ZNF253: variants seen among roughly 807,000 people sequenced by gnomAD.
ZNF253 encodes the protein DNA-binding protein.
ZNF253 carries 8 observed loss-of-function variants against 11.9 expected under a neutral mutation model. That is an observed-to-expected ratio of 0.67 (90% CI 0.40 to 1.22). The LOEUF is 1.22. Ranked by LOEUF, ZNF253 falls within the 50% of genes most tolerant of loss-of-function variation. The pLI is 0.01. For missense variants in ZNF253, 485 were observed against 586.9 expected (o/e 0.83, Z 1.79); for synonymous variants, 194 against 194.9 (o/e 1.00, Z 0.04).
chr19:19,885,291 CTCTTTCTTTT>C (rs1568499002), intron 3 of ZNF253, among the ~76,000 whole-genome samples: 678 of 24,742 alleles, frequency 0.027, 85 homozygotes, highest in African/African-American at 0.19. Context: ...TTCTTTCTTT[CTCTTTCTTTT>C]CTTTCTTTCT....
At position 19,893,592 on chromosome 19, in the gene ZNF253, A is replaced by G. The variant is rs2063243167; in HGVS notation, c.*845A>G. On this transcript the variant is annotated 3_prime_UTR_variant, in exon 4 of 4. Transcript: ENST00000589717. ...TATTAGTGCTTATACCTTATTTCAC[A>G]GGAAAGCTCTTATCCTTGAGAAAAA... 6.6e-6 allele frequency: 1 copy of G among 152,254 alleles called. No individual in the cohort carries two copies. The highest frequency in any genetic ancestry group is 2.4e-5 in the African/African-American group (1 of 41,472). 9.4% of individuals were successfully genotyped at this position (152,254 alleles called of 1,614,324 possible). A position where few individuals can be genotyped will look rare whatever the true frequency, so the allele number is the denominator to read the frequency against.
At chr19:19,869,233 A>C (rs961942062) in intron 1 of ZNF253, among the ~76,000 whole-genome samples, 1 of 152,218 alleles carries the variant, frequency 6.6e-6, no homozygotes, top group Non-Finnish European at 1.5e-5. Flanking sequence ...TGCAGGCTGA[A>C]GTACTTATAC....
Position 19,892,686 on chromosome 19 carries a change from A to C in ZNF253, c.1439A>C (p.Tyr480Ser), listed in dbSNP as rs2063238665. Reference sequence around the variant, plus strand: ...AAAATTCATATTGAACGAAAACCCTACATAGTGAAGAATGTGACAGATCTT... The same window carrying C: ...AAAATTCATATTGAACGAAAACCCTCCATAGTGAAGAATGTGACAGATCTT... ...HKKIHIERKP[Y>S]IVKNVTDLLN... Residue 480 changes from tyrosine (Y) to serine (S), a missense_variant, in exon 4 of 4, where the codon TAC becomes TCC. Tyr to Ser is a moderately radical substitution (Grantham distance 144, BLOSUM62 -2). Coordinates refer to ENST00000589717, the MANE Select transcript of ZNF253 (RefSeq NM_021047.3). The C allele has an allele frequency of 1.2e-6, 2 of 1,610,144 alleles. No homozygotes were observed. Among genetic ancestry groups the C allele is most frequent in the East Asian group, 4.5e-5 (2 of 44,834 alleles).
chr19:19,881,842 T>G (rs2063179279), intron 3 of ZNF253, among the ~76,000 whole-genome samples: 1 of 151,962 alleles, frequency 6.6e-6, no homozygotes, highest in Non-Finnish European at 1.5e-5. Flanking sequence ...CAATGGATTT[T>G]TTTTTATTTC....
In ZNF253 at chr19:19,882,267, T is replaced by A. The variant is rs142343255; in HGVS notation, c.226+2121T>A. Among the ~76,000 whole-genome samples, 336 of 152,184 alleles carry A rather than the reference T, an allele frequency of 2.2e-3. 1 individual carries two copies. In the Middle Eastern group the frequency reaches 0.024, roughly 11 times the overall value. The stretch of plus-strand genomic sequence containing the variant: ...GTTTTGTATTGGTATCTAAATTTGA[T>A]GGAGCAAACACCTCTTCAAGTTTTC... On this transcript the variant is annotated intron_variant, in intron 3 of 3. Transcript: ENST00000589717.
In ZNF253 at chr19:19,880,149, A is replaced by G. The variant is rs1404938067; in HGVS notation, c.226+3A>G. On this transcript the variant is annotated splice_donor_region_variant and intron_variant, in intron 3 of 3. Coordinates refer to ENST00000589717, the MANE Select transcript of ZNF253 (RefSeq NM_021047.3). ...TGAGATGATTGCCAAACCCCCAGGT[A>G]GGTACGAGTGAAAACGAATACAACA... 2 of 1,597,016 alleles carry G rather than the reference A, an allele frequency of 1.3e-6. No homozygotes were observed. The highest frequency in any genetic ancestry group is 1.7e-4 in the Middle Eastern group (1 of 6,014).
chr19:19,886,819 ATAAT>A (rs1179816491), intron 3 of ZNF253, among the ~76,000 whole-genome samples: 5 of 152,204 alleles, frequency 3.3e-5, no homozygotes, highest in East Asian at 1.9e-4. Flanking sequence ...TATATGCAAA[ATAAT>A]TAATATTGTC....
chr19:19,867,215 T>G (rs1338167257), intron 1 of ZNF253, among the ~76,000 whole-genome samples: 1 of 152,124 alleles, frequency 6.6e-6, no homozygotes, highest in Non-Finnish European at 1.5e-5. Flanking sequence ...ATGGCGAATG[T>G]CTGGTTTTCT....
intron 2 of ZNF253, 54 bp downstream of exon 2, chr19:19,878,661 C>CT: frequency 6.5e-7 from 1 of 1,543,264 alleles, no homozygotes. Context: ...TTTTATTTCT[C>CT]TTTTTTGTAG....
At chr19:19,882,700 C>A (rs567225665) in intron 3 of ZNF253, among the ~76,000 whole-genome samples, 2 of 152,134 alleles carry the variant, frequency 1.3e-5, no homozygotes, top group East Asian at 3.9e-4. Context: ...TTGCTGGATG[C>A]GGTGGCTCAC....
chr19:19,891,224 T>A (rs1164826007), intron 3 of ZNF253, among the ~76,000 whole-genome samples: 13 of 152,202 alleles, frequency 8.5e-5, no homozygotes, highest in Admixed American at 8.5e-4. Flanking sequence ...TTCTTTTTCT[T>A]CTATGTGGCT....
At chr19:19,867,464 A>C (rs1302585026) in intron 1 of ZNF253, among the ~76,000 whole-genome samples, 1 of 152,098 alleles carries the variant, frequency 6.6e-6, no homozygotes, top group Non-Finnish European at 1.5e-5. Context: ...TGGCTCAAGC[A>C]ATTCTCTCCT....
chr19:19,882,483 C>T (rs1392143733), intron 3 of ZNF253, among the ~76,000 whole-genome samples: 6 of 151,818 alleles, frequency 4.0e-5, no homozygotes, highest in Non-Finnish European at 5.9e-5. Flanking sequence ...TTAGACAGAC[C>T]GAATATCCTT....
At chr19:19,878,297 C>CT (rs2122121568) in intron 1 of ZNF253, among the ~76,000 whole-genome samples, 184 bp from the exon 2 acceptor site, 1 of 146,540 alleles carries the variant, frequency 6.8e-6, no homozygotes, top group East Asian at 2.4e-4. Context: ...TTGTGCCGCT[C>CT]TTTTTTCTCA....
At chr19:19,888,275 G>A (rs957366874) in intron 3 of ZNF253, among the ~76,000 whole-genome samples, 16 of 152,036 alleles carry the variant, frequency 1.1e-4, no homozygotes, top group Admixed American at 4.6e-4. Context: ...TGTTGGCCAC[G>A]CTGGTCTTGG....
At chr19:19,888,837 T>C (rs2063217092) in intron 3 of ZNF253, among the ~76,000 whole-genome samples, 1 of 152,332 alleles carries the variant, frequency 6.6e-6, no homozygotes, top group East Asian at 1.9e-4. Context: ...TTTTCTTGTA[T>C]TATGTTATTT....
rs1568498870 is a variant in ZNF253, at chr19:19,885,281, TTC to T, written c.226+5137_226+5138del. On this transcript the variant is annotated intron_variant, in intron 3 of 3. Coordinates refer to ENST00000589717, the MANE Select transcript of ZNF253 (RefSeq NM_021047.3). ...TTTCTTTCTTTCTTTCTTTCTTTCT[TTC>T]TTTCTTTCTCTTTCTTTTCTTTCTT... Among the ~76,000 whole-genome samples, 5 of 41,628 alleles carry T rather than the reference TTC, an allele frequency of 1.2e-4. 1 individual carries two copies. Among genetic ancestry groups the T allele is most frequent in the African/African-American group, 3.3e-4 (1 of 3,036 alleles). The allele number at this position is 41,628 out of a possible 152,430, so 27.3% of individuals were successfully genotyped here.
chr19:19,879,324 A>G (rs868528718), intron 2 of ZNF253, among the ~76,000 whole-genome samples: 1 of 152,208 alleles, frequency 6.6e-6, no homozygotes, highest in African/African-American at 2.4e-5. Context: ...CAAATTTGAT[A>G]CTTTTAACTA....
chr19:19,872,709 A>G (rs1199303838), intron 1 of ZNF253, among the ~76,000 whole-genome samples: 1 of 151,506 alleles, frequency 6.6e-6, no homozygotes, highest in African/African-American at 2.4e-5. Context: ...GCTGCTAATC[A>G]AAGTGTAGAT....
Sources: gnomAD v4.1 joint callset for allele counts (sites outside exome capture counted in the v4.1 genomes callset) on GRCh38, gnomAD v4.1.1 for gene constraint, MANE v1.5 for transcripts, NCBI Gene and HGNC (gene_info 2026-07-23, HGNC 2026-07-21) for gene names.